SLC9C1: variants seen among roughly 807,000 people sequenced by gnomAD.
SLC9C1 encodes the protein sodium/hydrogen exchanger 10.
Under a neutral mutation model 140.9 loss-of-function variants are expected in SLC9C1, and 97 were observed. That is an observed-to-expected ratio of 0.69 (90% CI 0.58 to 0.82). The LOEUF (loss-of-function observed/expected upper bound fraction) is 0.82, where lower values mean the gene tolerates loss of function less well. Among genes scored for constraint, SLC9C1 ranks in the 40% least tolerant of loss-of-function variants. The pLI is 0.00. For synonymous variants in SLC9C1, 440 were observed against 442.6 expected (o/e 0.99, Z 0.07); for missense variants, 1,340 against 1,389.3 (o/e 0.96, Z 0.56).
intron 2 of SLC9C1, 110 bp from the exon 3 acceptor site, chr3:112,280,893 T>TTTTC: frequency 2.4e-5 from 9 of 369,906 alleles, no homozygotes; most frequent in Non-Finnish European, 4.0e-5. Flanking sequence ...TTCACTACTT[T>TTTTC]TCATGAGTTT....
intron 27 of SLC9C1, among the ~76,000 whole-genome samples, chr3:112,153,663 C>T (rs1035160841): frequency 2.0e-5 from 3 of 152,134 alleles, no homozygotes; most frequent in African/African-American, 7.2e-5. Context: ...CTTTTCATTT[C>T]TTTGATCTCT....
chr3:112,188,522 G>T (rs1365524770), intron 20 of SLC9C1, among the ~76,000 whole-genome samples: 2 of 152,150 alleles, frequency 1.3e-5, no homozygotes, highest in African/African-American at 2.4e-5. Context: ...TGCTGAGAAT[G>T]ATGGTTTCCA....
At position 112,151,861 on chromosome 3, in the gene SLC9C1, C is replaced by G; in HGVS notation, c.3520G>C (p.Val1174Leu). 1 of 1,612,406 alleles carries G rather than the reference C, an allele frequency of 6.2e-7. No individual in the cohort carries two copies. The highest frequency in any genetic ancestry group is 2.2e-5 in the East Asian group (1 of 44,844). The change falls in exon 28 of 29, where the codon GTC becomes CTC. Residue 1174 changes from valine (V) to leucine (L), a missense_variant. Transcript: ENST00000305815. Reference protein sequence around the residue: ...KESPRINLRKVRKE With the variant: ...KESPRINLRKLRKE ...GAGGAAACCAGAGTGGCTTACCTGACTTTCCTTAGGTTTATTCTAGGGGAC... is the reference window on the plus strand; with the variant it reads ...GAGGAAACCAGAGTGGCTTACCTGAGTTTCCTTAGGTTTATTCTAGGGGAC...
chr3:112,279,399 A>G (rs1467579440), intron 3 of SLC9C1, among the ~76,000 whole-genome samples: 2 of 152,200 alleles, frequency 1.3e-5, no homozygotes, highest in Non-Finnish European at 2.9e-5. Context: ...TGTAATAAAG[A>G]TAGTATCTCC....
intron 13 of SLC9C1, among the ~76,000 whole-genome samples, chr3:112,226,087 C>G (rs185936718): frequency 1.6e-4 from 25 of 152,286 alleles, no homozygotes; most frequent in Admixed American, 1.6e-3. Context: ...CAGCAGAATA[C>G]ATGTTCTTCT....
chr3:112,202,136 T>C, intron 18 of SLC9C1, 114 bp downstream of exon 18: 1 of 1,181,850 alleles, frequency 8.5e-7, no homozygotes, highest in East Asian at 2.4e-5. Context: ...TTTAAAGAAA[T>C]GAATTAGAAA....
chr3:112,202,496 AGTGCCC>A, intron 17 of SLC9C1, 97 bp from the exon 18 acceptor site: 2 of 1,260,934 alleles, frequency 1.6e-6, no homozygotes, highest in Admixed American at 4.8e-5. Flanking sequence ...TAAGAAATTA[AGTGCCC>A]TCAAAGGTAA....
intron 26 of SLC9C1, among the ~76,000 whole-genome samples, chr3:112,155,644 G>GA (rs372867380): frequency 4.5e-4 from 69 of 152,126 alleles, no homozygotes; most frequent in African/African-American, 1.6e-3. Flanking sequence ...AGAATTTCAG[G>GA]AAAAATGAAC....
At chr3:112,162,873 A>G (rs1181107283) in intron 26 of SLC9C1, among the ~76,000 whole-genome samples, 1 of 133,506 alleles carries the variant, frequency 7.5e-6, no homozygotes, top group Non-Finnish European at 1.6e-5. Context: ...TACCTCTGGT[A>G]GAATTCGGCT....
intron 28 of SLC9C1, 30 bp downstream of exon 28, chr3:112,151,827 G>T: frequency 6.4e-7 from 1 of 1,573,142 alleles, no homozygotes; most frequent in South Asian, 1.1e-5. Context: ...ATGTGCTCCT[G>T]ATCCTGTTGA....
chr3:112,215,507 A>C (rs1209176572), intron 15 of SLC9C1, among the ~76,000 whole-genome samples: 1 of 152,154 alleles, frequency 6.6e-6, no homozygotes, highest in African/African-American at 2.4e-5. Context: ...CAACTTCAGC[A>C]AAGTCCCAGG....
At chr3:112,184,760 C>T (rs568209604) in intron 20 of SLC9C1, among the ~76,000 whole-genome samples, 1 of 152,342 alleles carries the variant, frequency 6.6e-6, no homozygotes, top group South Asian at 2.1e-4. Flanking sequence ...CCCAGCCGGA[C>T]CCCCTGAGGC....
At chr3:112,211,873 C>T (rs1007414586) in intron 15 of SLC9C1, among the ~76,000 whole-genome samples, 21 of 152,208 alleles carry the variant, frequency 1.4e-4, no homozygotes, top group African/African-American at 2.9e-4. Flanking sequence ...TCTCCCAGCA[C>T]GGAGTCTGAG....
At chr3:112,167,137 C>G in intron 26 of SLC9C1, 84 bp downstream of exon 26, 1 of 1,483,848 alleles carries the variant, frequency 6.7e-7, no homozygotes, top group Non-Finnish European at 9.2e-7. Context: ...AGGCAGAATG[C>G]AAACAACAGT....
At chr3:112,207,911 C>T (rs1279238105) in intron 16 of SLC9C1, among the ~76,000 whole-genome samples, 1 of 152,098 alleles carries the variant, frequency 6.6e-6, no homozygotes, top group Non-Finnish European at 1.5e-5. Context: ...GAGAATATTG[C>T]CAATACCTTT....
At chr3:112,272,438 G>A (rs2080102548) in intron 6 of SLC9C1, among the ~76,000 whole-genome samples, 1 of 152,056 alleles carries the variant, frequency 6.6e-6, no homozygotes, top group South Asian at 2.1e-4. Context: ...TATAAAATAT[G>A]TGCTAACTTC....
chr3:112,147,793 G>A, intron 28 of SLC9C1, among the ~76,000 whole-genome samples: 1 of 152,128 alleles, frequency 6.6e-6, no homozygotes, highest in East Asian at 1.9e-4. Context: ...CTAGGTTTTT[G>A]TATCTGGATG....
chr3:112,236,233 C>G (rs9852878), intron 12 of SLC9C1, among the ~76,000 whole-genome samples: 44,929 of 152,030 alleles, frequency 0.3, 6,825 homozygotes, highest in East Asian at 0.36. Flanking sequence ...TCCATTTCTT[C>G]TAGATTTTCT....
intron 15 of SLC9C1, among the ~76,000 whole-genome samples, chr3:112,215,209 CAAAAT>C (rs2078325606): frequency 6.6e-6 from 1 of 152,086 alleles, no homozygotes; most frequent in Non-Finnish European, 1.5e-5. Context: ...GGACGTATCT[CAAAAT>C]AATAAGAGTT....
Sources: gnomAD v4.1 joint callset for allele counts (sites outside exome capture counted in the v4.1 genomes callset) on GRCh38, gnomAD v4.1.1 for gene constraint, MANE v1.5 for transcripts, NCBI Gene and HGNC (gene_info 2026-07-23, HGNC 2026-07-21) for gene names.